Variants in MMAA observed in about 807,000 individuals in gnomAD.
MMAA encodes methylmalonic aciduria type A protein, mitochondrial.
Under a neutral mutation model 45.0 loss-of-function variants are expected in MMAA, and 41 were observed. That is an observed-to-expected ratio of 0.91 (90% CI 0.71 to 1.18). MMAA has a LOEUF of 1.18. Among genes scored for constraint, MMAA ranks in the 50% most tolerant of loss-of-function variants. The probability of loss-of-function intolerance (pLI) is 0.00; values close to 1 mark genes in which losing one functional copy is unlikely to be tolerated. For missense variants in MMAA, 460 were observed against 495.7 expected, an observed-to-expected ratio of 0.93 and a Z score of 0.68; for synonymous variants, 154 against 178.2, an observed-to-expected ratio of 0.86 and a Z score of 1.08.
chr4:145,642,155 C>T (rs1727804947), intron 2 of MMAA, among the ~76,000 whole-genome samples: 1 of 152,076 alleles, frequency 6.6e-6, no homozygotes, highest in Non-Finnish European at 1.5e-5. Flanking sequence ...ACATTTGGAA[C>T]CCAGGGTGTT....
At chr4:145,623,262 A>G (rs2126606126) in intron 1 of MMAA, among the ~76,000 whole-genome samples, 1 of 152,302 alleles carries the variant, frequency 6.6e-6, no homozygotes, top group Non-Finnish European at 1.5e-5. Flanking sequence ...CTCCACTTCC[A>G]TTACCCAGGA....
intron 1 of MMAA, among the ~76,000 whole-genome samples, chr4:145,630,365 CATTT>C (rs1229216324): frequency 6.6e-6 from 1 of 152,154 alleles, no homozygotes; most frequent in African/African-American, 2.4e-5. Context: ...TTCATCTCTG[CATTT>C]ATTTATTTGG....
In MMAA at chr4:145,627,070, TA is replaced by T. The variant is rs2126608793; in HGVS notation, c.-66+7667del. On this transcript the variant is annotated intron_variant, in intron 1 of 6. Coordinates refer to ENST00000649156, the MANE Select transcript of MMAA (RefSeq NM_172250.3). ...CAGAGAACTGCAATCCCAATTGTGA[TA>T]AAACCTGCAGTATAAATCATAAGCT... 2.0e-5 allele frequency among the ~76,000 whole-genome samples: 3 copies of T among 152,354 alleles called. No individual in the cohort carries two copies. The South Asian group carries it at 6.2e-4, about 32-fold the overall frequency.
Position 145,655,135 on chromosome 4 carries a change from C to G in MMAA, c.970-12C>G, listed in dbSNP as rs763028795. On this transcript the variant is annotated splice_polypyrimidine_tract_variant and intron_variant, in intron 6 of 6. Transcript: ENST00000649156. ...TTTAAGTAAAATGGTCTGGTTCTTCCCTTTTCGATAGGTAATTCGTATTTC... is the reference window on the plus strand; with the variant it reads ...TTTAAGTAAAATGGTCTGGTTCTTCGCTTTTCGATAGGTAATTCGTATTTC... 1 of 1,613,752 alleles carries G rather than the reference C, an allele frequency of 6.2e-7. No individual in the cohort carries two copies. Among genetic ancestry groups the G allele is most frequent in the South Asian group, 1.1e-5 (1 of 90,920 alleles).
At chr4:145,638,994 G>A in intron 1 of MMAA, 81 bp from the exon 2 acceptor site, 1 of 726,514 alleles carries the variant, frequency 1.4e-6, no homozygotes, top group Non-Finnish European at 2.3e-6. Context: ...GAATATGGGG[G>A]AAACACTAGG....
chr4:145,639,666 A>G, intron 2 of MMAA, 88 bp downstream of exon 2: 1 of 1,488,284 alleles, frequency 6.7e-7, no homozygotes, highest in Non-Finnish European at 8.9e-7. Context: ...ATAGTTTGCA[A>G]TCGAATGGCG....
rs33978754 is a variant in MMAA at position 145,658,691 on chromosome 4, CAAAAAAAAAA to C, written c.*3265_*3274del. On this transcript the variant is annotated 3_prime_UTR_variant, in exon 7 of 7. Coordinates refer to ENST00000649156, the MANE Select transcript of MMAA (RefSeq NM_172250.3). ...AATTTATGTAGTTGAACCTCTAAGG[CAAAAAAAAAA>C]AAAAAAAGGAAAAATTAGTGAAAAT... is the stretch of plus-strand genomic sequence containing the variant. 1 of 88,712 alleles carries C rather than the reference CAAAAAAAAAA, an allele frequency of 1.1e-5. No homozygotes were observed. The highest frequency in any genetic ancestry group is 3.6e-5 in the African/African-American group (1 of 27,404). 5.5% of individuals were successfully genotyped at this position (88,712 alleles called of 1,614,324 possible).
intron 1 of MMAA, among the ~76,000 whole-genome samples, chr4:145,633,804 C>G (rs368387472): frequency 3.3e-4 from 51 of 152,296 alleles, no homozygotes; most frequent in East Asian, 1.3e-3. Flanking sequence ...TTTGGGGCAC[C>G]CCAAGCCCAG....
At chr4:145,627,684 G>C (rs968888422) in intron 1 of MMAA, among the ~76,000 whole-genome samples, 1 of 152,144 alleles carries the variant, frequency 6.6e-6, no homozygotes, top group Non-Finnish European at 1.5e-5. Flanking sequence ...TGGAGAAGGT[G>C]GGGGAAGATG....
intron 1 of MMAA, among the ~76,000 whole-genome samples, chr4:145,626,455 G>T (rs1228944909): frequency 6.6e-6 from 1 of 152,008 alleles, no homozygotes; most frequent in Non-Finnish European, 1.5e-5. Context: ...TTTAAAATGT[G>T]GTCTGTTCTG....
rs745939340 is a variant in MMAA, at chr4:145,655,310, A to T, written c.1133A>T (p.His378Leu). The T allele has an allele frequency of 6.2e-6, 10 of 1,614,066 alleles. No individual in the cohort carries two copies. The East Asian group carries it at 2.0e-4, about 32-fold the overall frequency. ...WNLIQESVLE[H>L]FRTHPTVREQ... Reference sequence around the variant, plus strand: ...CTCATTCAGGAAAGTGTGTTAGAGCATTTCAGGACCCACCCCACAGTCCGG... The same window carrying T: ...CTCATTCAGGAAAGTGTGTTAGAGCTTTTCAGGACCCACCCCACAGTCCGG... The change falls in exon 7 of 7, where the codon CAT becomes CTT. Residue 378 changes from histidine (H) to leucine (L), a missense_variant. By Grantham distance (99) the His-to-Leu change is moderately conservative. Coordinates refer to ENST00000649156, the MANE Select transcript of MMAA (RefSeq NM_172250.3).
intron 1 of MMAA, chr4:145,624,951 C>T (rs1734170071): frequency 2.5e-6 from 3 of 1,189,650 alleles, no homozygotes; most frequent in South Asian, 2.5e-5. Flanking sequence ...AACTCCATAC[C>T]TTTGGGCTGG....
At chr4:145,629,802 G>T (rs1210437967) in intron 1 of MMAA, among the ~76,000 whole-genome samples, 1 of 152,128 alleles carries the variant, frequency 6.6e-6, no homozygotes, top group East Asian at 1.9e-4. Flanking sequence ...AAAACCATCA[G>T]ATCTTGTGAG....
chr4:145,633,614 G>C (rs759093551), intron 1 of MMAA, among the ~76,000 whole-genome samples: 1 of 152,178 alleles, frequency 6.6e-6, no homozygotes, highest in Non-Finnish European at 1.5e-5. Context: ...TTTATTTGGT[G>C]AGGTCATGTT....
At chr4:145,625,013 T>C (rs1734172266) in intron 1 of MMAA, 19 of 930,652 alleles carry the variant, frequency 2.0e-5, no homozygotes, top group Non-Finnish European at 3.0e-5. Context: ...ATCATTCATA[T>C]TATAGGACTG....
Position 145,654,010 on chromosome 4 carries a change from T to C in MMAA, c.836T>C (p.Ile279Thr), listed in dbSNP as rs371624542. The C allele has an allele frequency of 4.3e-6, 7 of 1,614,084 alleles. No individual in the cohort carries two copies. The African/African-American group carries it at 8.0e-5, about 18-fold the overall frequency. The change falls in exon 6 of 7, where the codon ATA becomes ACA. Residue 279 changes from isoleucine to threonine, a missense_variant. Physicochemically the swap from Ile to Thr is moderately conservative, Grantham distance 89. Transcript: ENST00000649156. Reference sequence around the variant, plus strand: ...TCTCTTTAGGGTATCAAAAGGGGTATAATCGAGATGGCAGATCTGGTAGCT... The same window carrying C: ...TCTCTTTAGGGTATCAAAAGGGGTACAATCGAGATGGCAGATCTGGTAGCT... The part of the protein sequence containing the change: ...GDELQGIKRG[I>T]IEMADLVAVT...
chr4:145,651,243 G>A (rs1728080023), intron 5 of MMAA, 96 bp downstream of exon 5: 3 of 1,025,802 alleles, frequency 2.9e-6, no homozygotes, highest in South Asian at 2.7e-5. Flanking sequence ...AGTTGATAAT[G>A]GTTTAGAAAA....
intron 5 of MMAA, 32 bp downstream of exon 5, chr4:145,651,179 T>C: frequency 1.3e-6 from 2 of 1,543,972 alleles, no homozygotes; most frequent in Non-Finnish European, 1.8e-6. Flanking sequence ...CCCAAAAATA[T>C]AAAATGTATA....
chr4:145,644,668 C>G (rs1727878175), intron 3 of MMAA, among the ~76,000 whole-genome samples: 1 of 152,172 alleles, frequency 6.6e-6, no homozygotes, highest in South Asian at 2.1e-4. Context: ...CAGTTTTATT[C>G]CACAGTTATT....
Sources: gnomAD v4.1 joint callset for allele counts (sites outside exome capture counted in the v4.1 genomes callset) on GRCh38, gnomAD v4.1.1 for gene constraint, MANE v1.5 for transcripts, NCBI Gene and HGNC (gene_info 2026-07-23, HGNC 2026-07-21) for gene names.